Variants in TMEM116 observed in about 807,000 individuals in gnomAD.
TMEM116 encodes transmembrane protein 116.
Under a neutral mutation model 44.3 loss-of-function variants are expected in TMEM116, and 38 were observed. The observed-to-expected ratio is 0.86, with a 90% CI of 0.66 to 1.12. The LOEUF is 1.12. Ranked by LOEUF, TMEM116 falls within the 50% of genes most tolerant of loss-of-function variation. The pLI is 0.00. For missense variants in TMEM116, 354 were observed against 401.7 expected, an observed-to-expected ratio of 0.88 and a Z score of 1.01; for synonymous variants, 132 against 144.8, an observed-to-expected ratio of 0.91 and a Z score of 0.64.
intron 1 of TMEM116, among the ~76,000 whole-genome samples, chr12:112,007,400 C>T (rs956482532): frequency 4.6e-5 from 7 of 151,990 alleles, no homozygotes; most frequent in African/African-American, 1.5e-4. Context: ...GATGACAGAG[C>T]GAGACTCCAT....
intron 6 of TMEM116, 127 bp downstream of exon 6, chr12:111,938,034 C>G (rs909559733): frequency 4.6e-5 from 23 of 500,858 alleles, no homozygotes; most frequent in Non-Finnish European, 6.7e-5. Context: ...TTTGTTGTTT[C>G]TAAGTTAGGC....
chr12:111,952,906 C>A (rs1422380637), intron 4 of TMEM116, among the ~76,000 whole-genome samples: 1 of 152,124 alleles, frequency 6.6e-6, no homozygotes, highest in Non-Finnish European at 1.5e-5. Context: ...CTCTAGAGAA[C>A]CCTAATACAA....
chr12:111,991,143 T>TA (rs2076543207), intron 4 of TMEM116, among the ~76,000 whole-genome samples: 1 of 138,732 alleles, frequency 7.2e-6, no homozygotes, highest in Non-Finnish European at 1.5e-5. Flanking sequence ...TGCTTGAACC[T>TA]AGGAGGCGGA....
At chr12:111,990,858 G>A (rs1218438561) in intron 4 of TMEM116, among the ~76,000 whole-genome samples, 3 of 152,112 alleles carry the variant, frequency 2.0e-5, no homozygotes, top group African/African-American at 7.2e-5. Flanking sequence ...TTCAAATGAT[G>A]TTATAGAAAA....
chr12:111,996,131 A>G (rs1028181037), intron 3 of TMEM116, among the ~76,000 whole-genome samples: 2 of 151,698 alleles, frequency 1.3e-5, no homozygotes, highest in Non-Finnish European at 2.9e-5. Context: ...TTTACATTCT[A>G]TAGGAGAATG....
chr12:111,960,661 G>A (rs764020055), intron 4 of TMEM116, among the ~76,000 whole-genome samples: 3 of 151,954 alleles, frequency 2.0e-5, no homozygotes, highest in Non-Finnish European at 4.4e-5. Context: ...CAGAATCTTT[G>A]GGACACAGCC....
chr12:111,957,066 G>A (rs1160429085), intron 4 of TMEM116, among the ~76,000 whole-genome samples: 3 of 151,918 alleles, frequency 2.0e-5, no homozygotes, highest in African/African-American at 7.3e-5. Context: ...TAGGAAGTGA[G>A]GAGCGTCTCT....
At chr12:111,997,219 C>T (rs2136668059) in intron 3 of TMEM116, among the ~76,000 whole-genome samples, 1 of 152,192 alleles carries the variant, frequency 6.6e-6, no homozygotes, top group Non-Finnish European at 1.5e-5. Flanking sequence ...CATTCTAGTT[C>T]ATGTCTGGTA....
chr12:111,969,600 T>C (rs1425421390), intron 4 of TMEM116, among the ~76,000 whole-genome samples: 1 of 151,734 alleles, frequency 6.6e-6, no homozygotes, highest in Non-Finnish European at 1.5e-5. Context: ...TTTTTTGAAA[T>C]GGAGTCTCGC....
At chr12:111,981,605 T>C (rs921113261) in intron 4 of TMEM116, among the ~76,000 whole-genome samples, 2 of 152,094 alleles carry the variant, frequency 1.3e-5, no homozygotes, top group Non-Finnish European at 2.9e-5. Context: ...TCAAAAGTAC[T>C]TAGAGGCAAA....
rs569577009 is a variant in TMEM116, at chr12:111,963,589, A to G, written c.211-20220T>C. Reference sequence around the variant, plus strand: ...ACACAAGAACAGAAAACCAAACACCACATGTTCTCACTCATAAGTGGGACA... The same window carrying G: ...ACACAAGAACAGAAAACCAAACACCGCATGTTCTCACTCATAAGTGGGACA... On this transcript the variant is annotated intron_variant, in intron 4 of 10. Transcript: ENST00000552374. Among the ~76,000 whole-genome samples the G allele has an allele frequency of 3.9e-5, 6 of 152,280 alleles. No individual in the cohort carries two copies. The South Asian group carries it at 1.2e-3, about 32-fold the overall frequency.
chr12:111,975,357 G>A (rs1253371230), intron 4 of TMEM116, among the ~76,000 whole-genome samples: 2 of 152,082 alleles, frequency 1.3e-5, no homozygotes, highest in African/African-American at 2.4e-5. Context: ...GGTCTCCCTA[G>A]GTTATTCAGT....
At chr12:111,990,128 G>A (rs1265227946) in intron 4 of TMEM116, among the ~76,000 whole-genome samples, 4 of 152,008 alleles carry the variant, frequency 2.6e-5, no homozygotes, top group African/African-American at 2.4e-5. Context: ...GGTGGCAGGC[G>A]CCTGTAGTCC....
At chr12:111,996,840 C>T (rs904079355) in intron 3 of TMEM116, among the ~76,000 whole-genome samples, 29 of 152,148 alleles carry the variant, frequency 1.9e-4, no homozygotes, top group Non-Finnish European at 2.8e-4. Context: ...TACCAGACAT[C>T]AATGAAAATG....
At chr12:111,941,263 C>A (rs2072791995) in intron 5 of TMEM116, among the ~76,000 whole-genome samples, 1 of 151,760 alleles carries the variant, frequency 6.6e-6, no homozygotes, top group South Asian at 2.1e-4. Flanking sequence ...GTAATCCTAG[C>A]TACTTGGGGG....
At position 111,936,686 on chromosome 12, in the gene TMEM116, C is replaced by T; in HGVS notation, c.588+6G>A. 1 of 1,613,020 alleles carries T rather than the reference C, an allele frequency of 6.2e-7. No homozygotes were observed. The highest frequency in any genetic ancestry group is 2.2e-5 in the East Asian group (1 of 44,860). ...CTCCACAAAGGAAGGTAGGGTGGTA[C>T]CATACCATAATGGTAAGGAGGCTGA... On this transcript the variant is annotated splice_donor_region_variant and intron_variant, in intron 8 of 10. Coordinates refer to ENST00000552374, the MANE Select transcript of TMEM116 (RefSeq NM_001193531.2).
At chr12:111,961,980 T>C (rs1033970143) in intron 4 of TMEM116, among the ~76,000 whole-genome samples, 6 of 152,340 alleles carry the variant, frequency 3.9e-5, no homozygotes, top group Non-Finnish European at 2.9e-5. Context: ...AGTCTCAGGA[T>C]ACAAAATCAA....
chr12:111,987,430 G>A (rs538022820), intron 4 of TMEM116, among the ~76,000 whole-genome samples: 6 of 151,626 alleles, frequency 4.0e-5, no homozygotes, highest in South Asian at 2.1e-4. Flanking sequence ...ACTAGAACCC[G>A]GGAGGTGGAG....
intron 8 of TMEM116, chr12:111,935,614 G>A (rs1375174769): frequency 4.6e-5 from 1 of 21,756 alleles, no homozygotes; most frequent in African/African-American, 4.6e-4. Flanking sequence ...GAGCCATCTC[G>A]TGTGTGTGTG....
Sources: gnomAD v4.1 joint callset for allele counts (sites outside exome capture counted in the v4.1 genomes callset) on GRCh38, gnomAD v4.1.1 for gene constraint, MANE v1.5 for transcripts, NCBI Gene and HGNC (gene_info 2026-07-23, HGNC 2026-07-21) for gene names.